Variants in DDX10 observed in about 807,000 individuals in gnomAD.
The protein encoded by DDX10 is DEAD-box helicase 10.
DDX10 carries 74 observed loss-of-function variants against 104.3 expected under a neutral mutation model. The ratio of observed to expected loss-of-function variants is 0.71; its 90% CI spans 0.59 to 0.86. The LOEUF is 0.86. Ranked by LOEUF, DDX10 falls within the 40% of genes least tolerant of loss-of-function variation. The pLI, the probability that DDX10 is intolerant of heterozygous loss-of-function variation, is 0.00. For synonymous variants in DDX10, 351 were observed against 353.4 expected (o/e 0.99, Z 0.08); for missense variants, 952 against 1,040.0 (o/e 0.92, Z 1.16).
At chr11:108,819,516 G>A (rs1406360022) in intron 13 of DDX10, among the ~76,000 whole-genome samples, 3 of 152,098 alleles carry the variant, frequency 2.0e-5, no homozygotes, top group African/African-American at 7.2e-5. Context: ...AGAAAAACAG[G>A]AATAGGTGTC....
chr11:108,847,214 A>G (rs1046150776), intron 15 of DDX10, among the ~76,000 whole-genome samples: 3 of 151,492 alleles, frequency 2.0e-5, no homozygotes, highest in South Asian at 4.1e-4. Flanking sequence ...CCACTCTTAC[A>G]TACAAGCAAT....
chr11:108,848,701 A>C (rs765028832), intron 15 of DDX10, among the ~76,000 whole-genome samples: 2 of 152,162 alleles, frequency 1.3e-5, no homozygotes, highest in African/African-American at 4.8e-5. Context: ...TCAGAATTAC[A>C]TAAATCTGAT....
intron 17 of DDX10, chr11:108,919,967 G>C (rs1863801779): frequency 6.7e-6 from 1 of 149,856 alleles, no homozygotes; most frequent in South Asian, 2.1e-4. Flanking sequence ...TTTTTTTTTG[G>C]TACCAACACT....
At chr11:108,675,896 T>C in intron 3 of DDX10, 170 bp downstream of exon 3, 1 of 768,036 alleles carries the variant, frequency 1.3e-6, no homozygotes, top group Non-Finnish European at 2.1e-6. Flanking sequence ...CTCACCATTT[T>C]CCCCAGGTTC....
chr11:108,679,290 G>T, intron 5 of DDX10, 81 bp from the exon 6 acceptor site: 2 of 1,187,458 alleles, frequency 1.7e-6, no homozygotes, highest in South Asian at 3.3e-5. Context: ...TCTGTTTTAG[G>T]ATCCAATCCA....
intron 16 of DDX10, among the ~76,000 whole-genome samples, chr11:108,867,493 T>C (rs1019845568): frequency 1.3e-5 from 2 of 152,148 alleles, no homozygotes; most frequent in East Asian, 1.9e-4. Context: ...CCACACTGTT[T>C]TGAAAATTAG....
intron 13 of DDX10, among the ~76,000 whole-genome samples, chr11:108,828,982 C>G (rs1313718345): frequency 1.3e-5 from 2 of 152,184 alleles, no homozygotes; most frequent in African/African-American, 2.4e-5. Flanking sequence ...TTTCTTTATC[C>G]ACTCATTGAT....
intron 13 of DDX10, among the ~76,000 whole-genome samples, chr11:108,817,746 T>A (rs762276752): frequency 1.4e-4 from 21 of 152,202 alleles, no homozygotes; most frequent in Non-Finnish European, 1.2e-4. Flanking sequence ...AAAAAGTGCT[T>A]TTAAATATAT....
intron 13 of DDX10, among the ~76,000 whole-genome samples, chr11:108,813,639 G>A (rs1218581059): frequency 6.6e-6 from 1 of 152,102 alleles, no homozygotes; most frequent in Admixed American, 6.5e-5. Flanking sequence ...GTTGAACAGG[G>A]CCTTCACTAC....
intron 16 of DDX10, among the ~76,000 whole-genome samples, chr11:108,862,147 T>A (rs1379254799): frequency 6.6e-6 from 1 of 152,086 alleles, no homozygotes; most frequent in African/African-American, 2.4e-5. Context: ...GCCTCCTGAG[T>A]AGCGAGGACT....
In DDX10 at chr11:108,861,359, G is replaced by A. The variant is rs193167692; in HGVS notation, c.2304+9150G>A. ...CTAAGTCCATTCTTGGCGTTTGGAC[G>A]GGTGAGTGTGTTTCTCACAGCAGCA... On this transcript the variant is annotated intron_variant, in intron 16 of 17. Coordinates refer to ENST00000322536, the MANE Select transcript of DDX10 (RefSeq NM_004398.4). Among the ~76,000 whole-genome samples, 359 of 152,168 alleles carry A rather than the reference G, an allele frequency of 2.4e-3. 1 individual carries two copies. Among genetic ancestry groups the A allele is most frequent in the Non-Finnish European group, 4.2e-3 (283 of 68,012 alleles).
intron 16 of DDX10, among the ~76,000 whole-genome samples, chr11:108,885,384 G>A (rs530606565): frequency 1.3e-3 from 174 of 138,982 alleles, no homozygotes; most frequent in African/African-American, 4.3e-3. Flanking sequence ...TTGAGATGGA[G>A]TCTCGCACTC....
At chr11:108,838,293 T>G (rs1365396427) in intron 13 of DDX10, 153 bp from the exon 14 acceptor site, 1 of 758,142 alleles carries the variant, frequency 1.3e-6, no homozygotes, top group Non-Finnish European at 2.0e-6. Context: ...ATAAGTCAAA[T>G]AATGTTATTC....
At chr11:108,864,084 C>T (rs1168738349) in intron 16 of DDX10, among the ~76,000 whole-genome samples, 2 of 152,104 alleles carry the variant, frequency 1.3e-5, no homozygotes, top group Non-Finnish European at 2.9e-5. Context: ...TTCCAGGGTT[C>T]TTGTGAAGAT....
intron 13 of DDX10, among the ~76,000 whole-genome samples, chr11:108,793,147 TACTC>T (rs1023553854): frequency 1.3e-5 from 2 of 152,194 alleles, no homozygotes; most frequent in African/African-American, 4.8e-5. Flanking sequence ...GACCTCTAAT[TACTC>T]TCTCTGTTGG....
intron 13 of DDX10, among the ~76,000 whole-genome samples, chr11:108,784,310 AT>A (rs1861757715): frequency 6.6e-6 from 1 of 151,882 alleles, no homozygotes; most frequent in African/African-American, 2.4e-5. Flanking sequence ...AACATCTTTT[AT>A]TTTTTTGACT....
At chr11:108,831,706 G>A (rs980698654) in intron 13 of DDX10, among the ~76,000 whole-genome samples, 3 of 151,798 alleles carry the variant, frequency 2.0e-5, no homozygotes, top group Non-Finnish European at 4.4e-5. Flanking sequence ...TTTAACAATA[G>A]TTTTATTTTC....
intron 13 of DDX10, chr11:108,822,401 C>A (rs1862337362): frequency 2.5e-6 from 1 of 400,676 alleles, no homozygotes; most frequent in Admixed American, 2.6e-5. Flanking sequence ...TTAATGCTGG[C>A]AAAGATCATT....
At chr11:108,781,465 T>A (rs2061681) in intron 13 of DDX10, among the ~76,000 whole-genome samples, 104,979 of 152,004 alleles carry the variant, frequency 0.69, 37,326 homozygotes, top group South Asian at 0.78. Flanking sequence ...CTTATACAGT[T>A]GTTTCATAAC....
Sources: gnomAD v4.1 joint callset for allele counts (sites outside exome capture counted in the v4.1 genomes callset) on GRCh38, gnomAD v4.1.1 for gene constraint, MANE v1.5 for transcripts, NCBI Gene and HGNC (gene_info 2026-07-23, HGNC 2026-07-21) for gene names.